SLC4A10: variants seen among roughly 807,000 people sequenced by gnomAD.
SLC4A10 encodes the protein solute carrier family 4 member 10, also known as sodium-driven chloride bicarbonate exchanger.
Under a neutral mutation model 137.7 loss-of-function variants are expected in SLC4A10, and 42 were observed. The ratio of observed to expected loss-of-function variants is 0.30; its 90% confidence interval spans 0.24 to 0.39. The LOEUF (loss-of-function observed/expected upper bound fraction) is 0.39. Ranked by LOEUF, SLC4A10 falls within the 10% of genes least tolerant of loss-of-function variation. The pLI, the probability that SLC4A10 is intolerant of heterozygous loss-of-function variation, is 1.00. For missense variants in SLC4A10, 925 were observed against 1,355.0 expected, an observed-to-expected ratio of 0.68 and a Z score of 4.98; for synonymous variants, 474 against 464.1, an observed-to-expected ratio of 1.02 and a Z score of -0.27.
chr2:161,886,851 TTACATAGGTA>T (rs1157345007), intron 10 of SLC4A10, among the ~76,000 whole-genome samples: 1 of 152,126 alleles, frequency 6.6e-6, no homozygotes, highest in Non-Finnish European at 1.5e-5. Context: ...TGCAGGCTTG[TTACATAGGTA>T]TACACATGCC....
chr2:161,634,477 T>G (rs1251428672), intron 1 of SLC4A10, among the ~76,000 whole-genome samples: 1 of 151,922 alleles, frequency 6.6e-6, no homozygotes, highest in Non-Finnish European at 1.5e-5. Context: ...CTCAAACTTT[T>G]GCACATTAAT....
At chr2:161,898,038 T>C (rs914806960) in intron 11 of SLC4A10, among the ~76,000 whole-genome samples, 4 of 152,136 alleles carry the variant, frequency 2.6e-5, no homozygotes, top group Non-Finnish European at 5.9e-5. Context: ...ATTATTGGAT[T>C]CTGGGTATTG....
intron 3 of SLC4A10, among the ~76,000 whole-genome samples, chr2:161,823,956 G>A (rs985801908): frequency 2.6e-5 from 4 of 152,208 alleles, no homozygotes; most frequent in African/African-American, 9.6e-5. Flanking sequence ...GAAAGGAAAA[G>A]ATGAGTACTG....
intron 1 of SLC4A10, among the ~76,000 whole-genome samples, chr2:161,660,070 A>C (rs2038087912): frequency 6.6e-6 from 1 of 152,068 alleles, no homozygotes; most frequent in Non-Finnish European, 1.5e-5. Context: ...GGGTGATGGA[A>C]ATGTTCTAAA....
chr2:161,645,930 G>T (rs1197103580), intron 1 of SLC4A10, among the ~76,000 whole-genome samples: 2 of 151,878 alleles, frequency 1.3e-5, no homozygotes, highest in East Asian at 3.9e-4. Flanking sequence ...GGTGGGGAAA[G>T]GAAATAGTCT....
At chr2:161,921,122 A>G (rs972928446) in intron 15 of SLC4A10, among the ~76,000 whole-genome samples, 5 of 152,196 alleles carry the variant, frequency 3.3e-5, no homozygotes, top group South Asian at 2.1e-4. Flanking sequence ...TGCCCTGGAG[A>G]GCTCAGAAGC....
At chr2:161,872,857 G>A (rs111437068) in intron 7 of SLC4A10, among the ~76,000 whole-genome samples, 9 of 152,098 alleles carry the variant, frequency 5.9e-5, no homozygotes, top group Non-Finnish European at 1.3e-4. Context: ...GGGATTACAG[G>A]CGTGCACCAC....
chr2:161,951,708 A>AT (rs988826285), intron 19 of SLC4A10, among the ~76,000 whole-genome samples: 1 of 152,074 alleles, frequency 6.6e-6, no homozygotes, highest in Non-Finnish European at 1.5e-5. Flanking sequence ...GCTTTATAGA[A>AT]TTTTTTTATA....
At chr2:161,806,746 C>T (rs1045519324) in intron 3 of SLC4A10, among the ~76,000 whole-genome samples, 1 of 152,128 alleles carries the variant, frequency 6.6e-6, no homozygotes, top group South Asian at 2.1e-4. Flanking sequence ...CCATTCAACA[C>T]GTCACTAGGA....
chr2:161,744,912 A>G (rs1384258462), intron 1 of SLC4A10, among the ~76,000 whole-genome samples: 1 of 152,092 alleles, frequency 6.6e-6, no homozygotes, highest in Admixed American at 6.5e-5. Context: ...AATATCCTGT[A>G]TTTGTCTGTT....
chr2:161,730,417 G>C (rs76036079), intron 1 of SLC4A10, among the ~76,000 whole-genome samples: 6 of 152,048 alleles, frequency 3.9e-5, no homozygotes, highest in South Asian at 4.1e-4. Flanking sequence ...TCTATTATCT[G>C]TCTATTTATC....
intron 3 of SLC4A10, among the ~76,000 whole-genome samples, chr2:161,807,709 T>G (rs2125617593): frequency 6.6e-6 from 1 of 152,288 alleles, no homozygotes; most frequent in African/African-American, 2.4e-5. Flanking sequence ...AGGTTCTAAG[T>G]TTTAGTTTTC....
At chr2:161,828,767 C>CATATATAT (rs58808663) in intron 3 of SLC4A10, among the ~76,000 whole-genome samples, 4,361 of 41,354 alleles carry the variant, frequency 0.11, 632 homozygotes, top group Non-Finnish European at 0.15. Context: ...AATTCTAATT[C>CATATATAT]ATATATATAT....
intron 15 of SLC4A10, among the ~76,000 whole-genome samples, 180 bp from the exon 16 acceptor site, chr2:161,942,612 A>T (rs1030735678): frequency 2.6e-5 from 4 of 152,094 alleles, no homozygotes; most frequent in Non-Finnish European, 5.9e-5. Flanking sequence ...GTATCCTAAC[A>T]GTCTATCCAT....
At chr2:161,858,512 C>G (rs1489261399) in intron 5 of SLC4A10, among the ~76,000 whole-genome samples, 1 of 152,044 alleles carries the variant, frequency 6.6e-6, no homozygotes, top group Admixed American at 6.6e-5. Flanking sequence ...AAACTTTATC[C>G]TTCAAAATAT....
intron 1 of SLC4A10, among the ~76,000 whole-genome samples, chr2:161,764,866 G>A (rs764871680): frequency 9.2e-5 from 14 of 152,126 alleles, no homozygotes; most frequent in Admixed American, 7.9e-4. Flanking sequence ...AAATTCTTCC[G>A]TTCCTAAACT....
At chr2:161,747,308 C>T (rs867446972) in intron 1 of SLC4A10, among the ~76,000 whole-genome samples, 2 of 152,114 alleles carry the variant, frequency 1.3e-5, no homozygotes, top group Non-Finnish European at 2.9e-5. Context: ...GGCCAAATTC[C>T]GCCTTGTGTT....
intron 15 of SLC4A10, among the ~76,000 whole-genome samples, chr2:161,908,506 C>T (rs1387686851): frequency 6.7e-6 from 1 of 150,044 alleles, no homozygotes; most frequent in Non-Finnish European, 1.5e-5. Context: ...TTGATGGGTG[C>T]AGCACACCAA....
At chr2:161,844,948 T>A (rs980242923) in intron 4 of SLC4A10, among the ~76,000 whole-genome samples, 5 of 152,022 alleles carry the variant, frequency 3.3e-5, no homozygotes, top group African/African-American at 9.7e-5. Flanking sequence ...GGCCAACAGT[T>A]TTATTTATTT....
Sources: gnomAD v4.1 joint callset for allele counts (sites outside exome capture counted in the v4.1 genomes callset) on GRCh38, gnomAD v4.1.1 for gene constraint, MANE v1.5 for transcripts, NCBI Gene and HGNC (gene_info 2026-07-23, HGNC 2026-07-21) for gene names.